The following CCDC180 variants were observed in gnomAD, a reference collection of about 807,000 sequenced individuals.
The protein encoded by CCDC180 is coiled-coil domain-containing protein 180.
Under a neutral mutation model 209.2 loss-of-function variants are expected in CCDC180, and 154 were observed. The observed-to-expected ratio is 0.74, with a 90% CI of 0.65 to 0.84. CCDC180 has a LOEUF of 0.84. Among genes scored for constraint, CCDC180 ranks in the 40% least tolerant of loss-of-function variants. The probability of loss-of-function intolerance (pLI) is 0.00; values close to 1 mark genes in which losing one functional copy is unlikely to be tolerated. For synonymous variants in CCDC180, 778 were observed against 749.1 expected, an observed-to-expected ratio of 1.04 and a Z score of -0.63; for missense variants, 1,874 against 1,997.3, an observed-to-expected ratio of 0.94 and a Z score of 1.18.
intron 9 of CCDC180, among the ~76,000 whole-genome samples, chr9:97,317,602 G>A (rs1035886639): frequency 6.6e-6 from 1 of 152,080 alleles, no homozygotes; most frequent in Non-Finnish European, 1.5e-5. Context: ...ATAACCCTGT[G>A]GACACTGGGC....
At chr9:97,375,307 C>T (rs1204674499) in intron 35 of CCDC180, 147 bp from the exon 36 acceptor site, 2 of 1,064,566 alleles carry the variant, frequency 1.9e-6, no homozygotes, top group Admixed American at 2.2e-5. Flanking sequence ...GCAGCATTCA[C>T]ATTCAGTATG....
At chr9:97,347,856 G>A (rs1474468893) in intron 20 of CCDC180, among the ~76,000 whole-genome samples, 1 of 152,096 alleles carries the variant, frequency 6.6e-6, no homozygotes, top group Non-Finnish European at 1.5e-5. Flanking sequence ...GGGAGTTGAA[G>A]CTCTCAGTTT....
intron 26 of CCDC180, 67 bp downstream of exon 26, chr9:97,360,168 C>A: frequency 6.3e-7 from 1 of 1,582,480 alleles, no homozygotes; most frequent in Non-Finnish European, 8.6e-7. Flanking sequence ...AGGAGACCTG[C>A]AGGGCTCAGT....
At chr9:97,329,261 T>C (rs1464783271) in intron 16 of CCDC180, among the ~76,000 whole-genome samples, 1 of 152,246 alleles carries the variant, frequency 6.6e-6, no homozygotes, top group Non-Finnish European at 1.5e-5. Flanking sequence ...ATAGGCACCA[T>C]TATGATCTCC....
At chr9:97,340,409 G>A (rs892499048) in intron 18 of CCDC180, among the ~76,000 whole-genome samples, 16 of 152,180 alleles carry the variant, frequency 1.1e-4, no homozygotes, top group African/African-American at 3.9e-4. Context: ...GCAAGAGACC[G>A]AGGACACGAG....
At chr9:97,313,212 A>G (rs372354402) in intron 4 of CCDC180, 24 bp from the exon 5 acceptor site, 297 of 1,533,368 alleles carry the variant, frequency 1.9e-4, no homozygotes, top group Non-Finnish European at 2.6e-4. Context: ...AGGCAGCCTC[A>G]TCACCTCTGT....
At chr9:97,365,769 G>C (rs1209666682) in intron 30 of CCDC180, 30 bp downstream of exon 30, 1 of 1,606,926 alleles carries the variant, frequency 6.2e-7, no homozygotes, top group Non-Finnish European at 8.5e-7. Flanking sequence ...GCCTGTGCCT[G>C]CCCTGGAAAC....
chr9:97,307,560 C>T, upstream of CCDC180: 1 of 638,040 alleles, frequency 1.6e-6, no homozygotes, highest in Non-Finnish European at 2.8e-6. Context: ...AGGTTACTCT[C>T]TCCCTCCAAT....
intron 26 of CCDC180, among the ~76,000 whole-genome samples, chr9:97,361,319 A>G (rs180745983): frequency 4.4e-4 from 67 of 152,318 alleles, no homozygotes; most frequent in African/African-American, 1.4e-3. Flanking sequence ...AATCTCACAG[A>G]AGATACTGGA....
rs1382602529 is a variant in CCDC180 at position 97,375,505 on chromosome 9, T to A, written c.4758T>A (p.Leu1586=). Residue 1586 remains leucine (L), a synonymous_variant, in exon 36 of 37, where the codon CTT becomes CTA. Coordinates refer to ENST00000529487, the MANE Select transcript of CCDC180 (RefSeq NM_020893.6). ...PTEVTIQNKI[L]LQPTSSISTT... is the part of the protein sequence containing the mutation. ...AAGTCACCATCCAAAACAAGATTCT[T>A]CTCCAGCCAACATCATCGATTTCCA... 6.2e-7 allele frequency: 1 copy of A among 1,614,020 alleles called. No individual in the cohort carries two copies. The highest frequency in any genetic ancestry group is 1.3e-5 in the African/African-American group (1 of 74,906).
intron 25 of CCDC180, chr9:97,358,008 T>G: frequency 3.3e-6 from 1 of 302,318 alleles, no homozygotes; most frequent in East Asian, 6.2e-5. Context: ...CTCACTCCCT[T>G]GGGATGTCAC....
rs776830425 is a variant in CCDC180, at chr9:97,312,196, C to G, written c.344C>G (p.Thr115Ser). Residue 115 changes from threonine (T) to serine (S), a missense_variant, in exon 4 of 37, where the codon ACT becomes AGT. By Grantham distance (58) the Thr-to-Ser change is moderately conservative. Coordinates refer to ENST00000529487, the MANE Select transcript of CCDC180 (RefSeq NM_020893.6). ...CGAGAAGTGCGGGGTCTCATGGATACTATAGGTGAGCCTCCATTCAGCCTC... is the reference window on the plus strand; with the variant it reads ...CGAGAAGTGCGGGGTCTCATGGATAGTATAGGTGAGCCTCCATTCAGCCTC... ...AAREVRGLMD[T>S]IVPEKISTST... 1.9e-5 allele frequency: 30 copies of G among 1,613,482 alleles called. No homozygotes were observed. The highest frequency in any genetic ancestry group is 2.4e-5 in the Non-Finnish European group (28 of 1,179,610).
chr9:97,333,237 G>A (rs560792882), intron 18 of CCDC180, among the ~76,000 whole-genome samples: 3 of 152,192 alleles, frequency 2.0e-5, no homozygotes, highest in African/African-American at 4.8e-5. Flanking sequence ...TGGTGAATTC[G>A]CTTTTTGATG....
In CCDC180 at chr9:97,377,018, C is replaced by G. The variant is rs572138373; in HGVS notation, c.*124C>G. 8.8e-7 allele frequency: 1 copy of G among 1,131,364 alleles called. No individual in the cohort carries two copies. The highest frequency in any genetic ancestry group is 1.6e-5 in the African/African-American group (1 of 63,348). The allele number at this position is 1,131,364 out of a possible 1,614,324, so 70.1% of individuals were successfully genotyped here. On this transcript the variant is annotated 3_prime_UTR_variant, in exon 37 of 37. Coordinates refer to ENST00000529487, the MANE Select transcript of CCDC180 (RefSeq NM_020893.6). ...CCCTCCACCCCTGCTCTGTGCCGGGCACTGTAGCTTTACCAGCGAACAGGA... is the reference window on the plus strand; with the variant it reads ...CCCTCCACCCCTGCTCTGTGCCGGGGACTGTAGCTTTACCAGCGAACAGGA...
intron 22 of CCDC180, among the ~76,000 whole-genome samples, chr9:97,351,401 C>T (rs35524804): frequency 0.17 from 26,371 of 152,078 alleles, 2,906 homozygotes; most frequent in Non-Finnish European, 0.25. Context: ...TTTGCATTTC[C>T]CTGACGATTA....
intron 8 of CCDC180, among the ~76,000 whole-genome samples, chr9:97,315,821 C>T (rs1367277980): frequency 6.6e-6 from 1 of 152,176 alleles, no homozygotes; most frequent in East Asian, 1.9e-4. Context: ...TGAAATGACT[C>T]AGCCCCTGAG....
intron 11 of CCDC180, among the ~76,000 whole-genome samples, chr9:97,321,791 T>C (rs553308826): frequency 6.6e-6 from 1 of 152,140 alleles, no homozygotes; most frequent in South Asian, 2.1e-4. Context: ...CAAGGAAGTA[T>C]CAAGGAAGTG....
intron 16 of CCDC180, among the ~76,000 whole-genome samples, chr9:97,329,945 A>G (rs10759624): frequency 0.55 from 83,373 of 151,628 alleles, 24,340 homozygotes; most frequent in African/African-American, 0.74. Flanking sequence ...GCTGGCGCCT[A>G]TAGTCCCAGC....
chr9:97,312,098 C>T lies in CCDC180; in HGVS notation c.261-15C>T. 2 of 1,612,350 alleles carry T rather than the reference C, an allele frequency of 1.2e-6. No homozygotes were observed. The highest frequency in any genetic ancestry group is 1.7e-6 in the Non-Finnish European group (2 of 1,178,534). The stretch of plus-strand genomic sequence containing the variant: ...TCAGGAGCTGGGACTTCACTCTTCT[C>T]TGCTTGTGTCTCAGGGAAAAGGAAA... On this transcript the variant is annotated splice_polypyrimidine_tract_variant and intron_variant, in intron 3 of 36. Coordinates refer to ENST00000529487, the MANE Select transcript of CCDC180 (RefSeq NM_020893.6).
Sources: gnomAD v4.1 joint callset for allele counts (sites outside exome capture counted in the v4.1 genomes callset) on GRCh38, gnomAD v4.1.1 for gene constraint, MANE v1.5 for transcripts, NCBI Gene and HGNC (gene_info 2026-07-23, HGNC 2026-07-21) for gene names.